Variants in MYO18A observed in about 807,000 individuals in gnomAD.
The protein encoded by MYO18A is unconventional myosin-XVIIIa.
In MYO18A, 78 loss-of-function variants were observed where a neutral mutation model predicts 235.8. The ratio of observed to expected loss-of-function variants is 0.33; its 90% confidence interval spans 0.28 to 0.40. The LOEUF is 0.40. MYO18A is among the 10% of genes least tolerant of loss of function. The probability of loss-of-function intolerance (pLI) is 1.00; values close to 1 mark genes in which losing one functional copy is unlikely to be tolerated. For missense variants in MYO18A, 2,215 were observed against 2,699.3 expected (o/e 0.82, Z 3.98); for synonymous variants, 977 against 1,077.8 (o/e 0.91, Z 1.83).
rs2152853914 is a variant in MYO18A at position 29,120,067 on chromosome 17, A to G, written c.1728+549T>C. ...AATTAAGCAGGTGCATCTTATTCCC[A>G]AGGTGCTCAATCAGATACCAGATCC... On this transcript the variant is annotated intron_variant, in intron 7 of 41. Transcript: ENST00000527372. This position sits in a 1 kb window ranked among gnomAD's most constrained non-coding sequence, Gnocchi z 4.2. Among the ~76,000 whole-genome samples the G allele has an allele frequency of 6.6e-6, 1 of 152,184 alleles. No homozygotes were observed. The highest frequency in any genetic ancestry group is 2.4e-5 in the African/African-American group (1 of 41,508).
chr17:29,156,196 C>A (rs1473021940), intron 2 of MYO18A, among the ~76,000 whole-genome samples: 1 of 152,188 alleles, frequency 6.6e-6, no homozygotes, highest in Non-Finnish European at 1.5e-5. Context: ...GGGAGAGCAG[C>A]GGAAGGGAAG....
chr17:29,098,806 C>T lies in MYO18A; in HGVS notation c.3780+20G>A, dbSNP rs771371585. ...GCTTCCCCCTACCCAGAGACTTGGC[C>T]CTCTCAGGCTGTCACATACGTCTTT... On this transcript the variant is annotated intron_variant, in intron 23 of 41. Transcript: ENST00000527372. 2.5e-6 allele frequency: 4 copies of T among 1,613,498 alleles called. No homozygotes were observed. In the African/African-American group the frequency reaches 5.3e-5, roughly 22 times the overall value.
At chr17:29,090,788 C>T (rs759812840) in intron 35 of MYO18A, 22 bp downstream of exon 35, 59 of 1,598,960 alleles carry the variant, frequency 3.7e-5, no homozygotes, top group Admixed American at 6.7e-5. Context: ...CAGAGTGTGA[C>T]GGGCACTCCT....
intron 2 of MYO18A, 65 bp from the exon 3 acceptor site, chr17:29,122,318 AG>A: frequency 6.9e-7 from 1 of 1,459,708 alleles, no homozygotes; most frequent in Non-Finnish European, 9.4e-7. Context: ...ACAGCCGTAG[AG>A]GGGAGACAAG....
Position 29,098,154 on chromosome 17 carries a change from G to T in MYO18A, c.3941C>A (p.Ala1314Glu). The change falls in exon 25 of 42, where the codon GCG (alanine) becomes GAG (glutamate). Residue 1314 changes from alanine (A) to glutamate (E), a missense_variant. Ala to Glu is a moderately radical substitution (Grantham distance 107, BLOSUM62 -1). Transcript: ENST00000527372. The part of the protein sequence containing the change: ...TGESASQLLD[A>E]ETAERLRAEK... ...AGCCCGGAGCCTCTCTGCTGTCTCCGCGTCCAGCAGCTGGGAGGCGGACTC... is the reference window on the plus strand; with the variant it reads ...AGCCCGGAGCCTCTCTGCTGTCTCCTCGTCCAGCAGCTGGGAGGCGGACTC... 1.2e-6 allele frequency: 2 copies of T among 1,613,844 alleles called. No individual in the cohort carries two copies. Among genetic ancestry groups the T allele is most frequent in the African/African-American group, 2.7e-5 (2 of 75,026 alleles).
chr17:29,156,552 G>A (rs1164930211), intron 2 of MYO18A, among the ~76,000 whole-genome samples: 1 of 152,208 alleles, frequency 6.6e-6, no homozygotes, highest in African/African-American at 2.4e-5. Flanking sequence ...TAGAGCAGGA[G>A]GGGTCCAGGA....
In MYO18A at chr17:29,118,157, A is replaced by G. The variant is rs1301990804; in HGVS notation, c.1926T>C (p.Phe642=). 2.5e-6 allele frequency: 4 copies of G among 1,599,388 alleles called. No homozygotes were observed. The highest frequency in any genetic ancestry group is 3.4e-6 in the Non-Finnish European group (4 of 1,172,258). The change falls in exon 10 of 42, where the codon TTT becomes TTC. Residue 642 remains phenylalanine (F), a synonymous_variant. Coordinates refer to ENST00000527372, the MANE Select transcript of MYO18A (RefSeq NM_078471.4). The surrounding 1 kb of genome is among the most constrained non-coding windows in gnomAD (Gnocchi z 4.2). ...PEEKQKAAQQ[F]SKLQAAMKVL... is the part of the protein sequence containing the mutation. ...CCTTCATGGCCGCCTGCAGCTTACT[A>G]AACTGCTGAGCTGCCTTCTGCTTTT...
In MYO18A at chr17:29,114,945, C is replaced by A. The variant is rs535705193; in HGVS notation, c.2473G>T (p.Glu825Ter). 3 of 1,613,956 alleles carry A rather than the reference C, an allele frequency of 1.9e-6. No individual in the cohort carries two copies. The highest frequency in any genetic ancestry group is 2.5e-6 in the Non-Finnish European group (3 of 1,179,878). ...TCCAACTCCTGCACGAAGGTGCGCTCGTGGAAGAGCCTCTGCAGCCGGTCT... is the reference window on the plus strand; with the variant it reads ...TCCAACTCCTGCACGAAGGTGCGCTAGTGGAAGAGCCTCTGCAGCCGGTCT... ...TQDRLQRLFHERTFVQELERY... is the reference protein window; with the variant it reads ...TQDRLQRLFH Residue 825 changes from glutamate (E) to a stop codon, truncating the protein, a stop_gained, in exon 14 of 42, where the codon GAG becomes TAG. Coordinates refer to ENST00000527372, the MANE Select transcript of MYO18A (RefSeq NM_078471.4). LOFTEE classifies it high-confidence loss of function.
intron 41 of MYO18A, 24 bp downstream of exon 41, chr17:29,082,292 C>T (rs774453513): frequency 5.0e-6 from 8 of 1,613,274 alleles, no homozygotes; most frequent in Non-Finnish European, 6.8e-6. Context: ...GGCTTTTCCT[C>T]CCAGCTCAAG....
At chr17:29,119,579 T>G in intron 7 of MYO18A, 144 bp from the exon 8 acceptor site, 1 of 598,330 alleles carries the variant, frequency 1.7e-6, no homozygotes, top group Admixed American at 3.2e-5. Context: ...TTTTTTAAGA[T>G]TTGAGATGGA....
chr17:29,088,052 CTTTTTT>C (rs1040172315), intron 37 of MYO18A, among the ~76,000 whole-genome samples: 8 of 124,654 alleles, frequency 6.4e-5, no homozygotes, highest in Non-Finnish European at 1.0e-4. Context: ...AAAATAAATT[CTTTTTT>C]TTTTTTTTTT....
chr17:29,138,233 A>G (rs2067652339), intron 2 of MYO18A, among the ~76,000 whole-genome samples: 1 of 152,120 alleles, frequency 6.6e-6, no homozygotes, highest in Admixed American at 6.5e-5. Context: ...TCCACACCAG[A>G]CATCTGCACA....
rs747442257 is a variant in MYO18A at position 29,074,231 on chromosome 17, A to C, written c.*539T>G. 7.1e-6 allele frequency: 11 copies of C among 1,547,926 alleles called. No individual in the cohort carries two copies. Among genetic ancestry groups the C allele is most frequent in the Middle Eastern group, 1.8e-4 (1 of 5,686 alleles). ...GTCGTTCTTGGGAGCCCCAGCTACC[A>C]CTACAGCCCCCTCCCACTCTCAGGG... On this transcript the variant is annotated 3_prime_UTR_variant, in exon 42 of 42. Transcript: ENST00000527372. The surrounding 1 kb of genome is among the most constrained non-coding windows in gnomAD (Gnocchi z 4.4).
chr17:29,106,943 C>A lies in MYO18A; in HGVS notation c.3441+137G>T. On this transcript the variant is annotated intron_variant, in intron 20 of 41. Transcript: ENST00000527372. The surrounding 1 kb of genome is among the most constrained non-coding windows in gnomAD (Gnocchi z 4.6). The stretch of plus-strand genomic sequence containing the variant: ...CTATGGTCTGGGCCCCAGGACACAG[C>A]TGGGTGCTTCCAAAACTGGGAGCCT... 1 of 814,486 alleles carries A rather than the reference C, an allele frequency of 1.2e-6. No homozygotes were observed. The highest frequency in any genetic ancestry group is 2.0e-6 in the Non-Finnish European group (1 of 495,390). The allele number at this position is 814,486 out of a possible 1,614,324, so 50.5% of individuals were successfully genotyped here.
At chr17:29,154,292 C>T (rs934382599) in intron 2 of MYO18A, among the ~76,000 whole-genome samples, 2 of 152,058 alleles carry the variant, frequency 1.3e-5, no homozygotes, top group Admixed American at 6.5e-5. Context: ...TCAGTGTGCC[C>T]GCACAGGGTG....
chr17:29,092,300 C>T, intron 34 of MYO18A, 43 bp downstream of exon 34: 1 of 1,482,088 alleles, frequency 6.7e-7, no homozygotes. Flanking sequence ...CTCTATTCTG[C>T]CTCAGCCCCC....
chr17:29,135,391 C>T (rs1174291428), intron 2 of MYO18A, among the ~76,000 whole-genome samples: 4 of 152,152 alleles, frequency 2.6e-5, no homozygotes, highest in African/African-American at 7.2e-5. Context: ...GGTGAGCCAC[C>T]GCGCCCGGCC....
In MYO18A at chr17:29,088,211, C is replaced by T. The variant is rs566843807; in HGVS notation, c.5527-1090G>A. 2.9e-4 allele frequency among the ~76,000 whole-genome samples: 44 copies of T among 151,992 alleles called. No individual in the cohort carries two copies. In the South Asian group the frequency reaches 7.1e-3, roughly 24 times the overall value. On this transcript the variant is annotated intron_variant, in intron 37 of 41. Transcript: ENST00000527372. Reference sequence around the variant, plus strand: ...CTGGGACTACAGGCGCCCGCCACCACGCCCGGCTAATGTTTTGTATTTTTA... The same window carrying T: ...CTGGGACTACAGGCGCCCGCCACCATGCCCGGCTAATGTTTTGTATTTTTA...
chr17:29,134,814 C>T (rs139851558), intron 2 of MYO18A, among the ~76,000 whole-genome samples: 312 of 152,276 alleles, frequency 2.0e-3, no homozygotes, highest in African/African-American at 7.2e-3. Context: ...TGAGCCACCA[C>T]GCCCAGCCAA....
Sources: allele counts gnomAD v4.1 joint callset (sites outside exome capture counted in the v4.1 genomes callset), GRCh38; gene constraint gnomAD v4.1.1; non-coding constraint Gnocchi (gnomAD v3.1); transcripts MANE v1.5; gene names NCBI Gene and HGNC (gene_info 2026-07-23, HGNC 2026-07-21).